Variants in SNRPN observed in about 807,000 individuals in gnomAD.
SNRPN encodes small nuclear ribonucleoprotein polypeptide N.
SNRPN carries 7 observed loss-of-function variants against 25.2 expected under a neutral mutation model. That is an observed-to-expected ratio of 0.28 (90% CI 0.16 to 0.52). SNRPN has a LOEUF of 0.52. Ranked by LOEUF, SNRPN falls within the 20% of genes least tolerant of loss-of-function variation. SNRPN has a pLI of 0.96. For synonymous variants in SNRPN, 124 were observed against 110.6 expected, an observed-to-expected ratio of 1.12 and a Z score of -0.76; for missense variants, 196 against 322.5, an observed-to-expected ratio of 0.61 and a Z score of 3.00.
chr15:24,947,507 T>C (rs565178719), intron 3 of SNRPN, among the ~76,000 whole-genome samples: 7 of 152,212 alleles, frequency 4.6e-5, no homozygotes, highest in Admixed American at 1.3e-4. Flanking sequence ...CATGCACCTG[T>C]AGTCCCAGCT....
chr15:24,884,808 T>G (rs1396877669), intron 1 of SNRPN, among the ~76,000 whole-genome samples: 1 of 152,130 alleles, frequency 6.6e-6, no homozygotes, highest in East Asian at 1.9e-4. Flanking sequence ...ACTCATAGTG[T>G]TGCCAGAAAA....
intron 2 of SNRPN, among the ~76,000 whole-genome samples, chr15:24,832,665 T>C (rs1461560624): frequency 1.3e-5 from 2 of 151,966 alleles, no homozygotes; most frequent in African/African-American, 4.8e-5. Context: ...CTCTTCACAA[T>C]AAGCCTTGCT....
intron 2 of SNRPN, among the ~76,000 whole-genome samples, chr15:24,919,848 T>C (rs953680628): frequency 1.3e-5 from 2 of 152,230 alleles, no homozygotes; most frequent in South Asian, 2.1e-4. Flanking sequence ...AAAGAATCTT[T>C]GTCAGTGTAC....
At chr15:24,963,488 G>T (rs1259447015) in intron 2 of SNRPN, among the ~76,000 whole-genome samples, 1 of 151,960 alleles carries the variant, frequency 6.6e-6, no homozygotes, top group Non-Finnish European at 1.5e-5. Flanking sequence ...GGTGGCACGT[G>T]CCTGTAATCC....
At chr15:24,897,520 G>A (rs12914255) in intron 2 of SNRPN, among the ~76,000 whole-genome samples, 10,303 of 152,258 alleles carry the variant, frequency 0.068, 482 homozygotes, top group Non-Finnish European at 0.1. Context: ...AGGAGTTCGT[G>A]GTTACAGTGA....
intron 1 of SNRPN, among the ~76,000 whole-genome samples, chr15:24,828,295 T>C (rs1014826244): frequency 6.6e-6 from 1 of 152,134 alleles, no homozygotes; most frequent in Non-Finnish European, 1.5e-5. Flanking sequence ...GATTTGCACC[T>C]TCCCGTTGAC....
At chr15:24,943,866 G>A (rs189598620) in intron 3 of SNRPN, among the ~76,000 whole-genome samples, 6 of 152,048 alleles carry the variant, frequency 3.9e-5, no homozygotes, top group Middle Eastern at 3.4e-3. Context: ...CTGTTTCCCA[G>A]GCTGGAGTGC....
chr15:24,949,027 T>G (rs2153186135), intron 3 of SNRPN, among the ~76,000 whole-genome samples: 2 of 132,480 alleles, frequency 1.5e-5, no homozygotes, highest in South Asian at 5.4e-4. Flanking sequence ...TTTTTTTTTT[T>G]TTTTTTTTTT....
At chr15:24,876,932 A>C (rs949768743) in intron 1 of SNRPN, among the ~76,000 whole-genome samples, 2 of 152,216 alleles carry the variant, frequency 1.3e-5, no homozygotes, top group Non-Finnish European at 2.9e-5. Context: ...CTAGATTTTT[A>C]AGATATTTAA....
intron 1 of SNRPN, among the ~76,000 whole-genome samples, chr15:24,886,267 G>T (rs574320926): frequency 1.3e-5 from 2 of 152,054 alleles, no homozygotes; most frequent in Admixed American, 1.3e-4. Context: ...GATCAATTTA[G>T]CCAGAATCCC....
Position 24,958,486 on chromosome 15 carries a change from GTTTTTTTTTTTTTTTTTTTT to G in SNRPN, c.-391+3439_-391+3458del, listed in dbSNP as rs71127030. Among the ~76,000 whole-genome samples, 5 of 65,284 alleles carry G rather than the reference GTTTTTTTTTTTTTTTTTTTT, an allele frequency of 7.7e-5. No homozygotes were observed. In the East Asian group the frequency reaches 1.6e-3, roughly 20 times the overall value. The allele number at this position is 65,284 out of a possible 152,430, so 42.8% of individuals were successfully genotyped here. A position where few individuals can be genotyped will look rare whatever the true frequency, so the allele number is the denominator to read the frequency against. ...ATTTCTGGATGCTAGCTGGCTCAAAGTTTTTTTTTTTTTTTTTTTTTTTTTTTTTTTTTTAAATAGACCAG... is the reference window on the plus strand; with the variant it reads ...ATTTCTGGATGCTAGCTGGCTCAAAGTTTTTTTTTTTTTTAAATAGACCAG... On this transcript the variant is annotated intron_variant, in intron 1 of 9. Coordinates refer to ENST00000390687, the MANE Select transcript of SNRPN (RefSeq NM_003097.6).
intron 3 of SNRPN, among the ~76,000 whole-genome samples, chr15:24,924,964 G>C (rs1179771690): frequency 1.3e-5 from 2 of 152,112 alleles, no homozygotes; most frequent in African/African-American, 4.8e-5. Flanking sequence ...TCTGACAGAA[G>C]GTTTGGCCTC....
chr15:24,893,707 A>AT (rs398078046), intron 2 of SNRPN, among the ~76,000 whole-genome samples: 1 of 151,660 alleles, frequency 6.6e-6, no homozygotes, highest in Non-Finnish European at 1.5e-5. Context: ...ATTAAAAAAA[A>AT]ATGTACCCGT....
chr15:24,843,970 T>C lies in SNRPN; in HGVS notation c.-579+14065T>C, dbSNP rs72693645. On this transcript the variant is annotated intron_variant, in intron 2 of 12. Transcript: ENST00000400100. ...CCTGGGCGATAGAGCTGACTCTGTC[T>C]TGAAAAAAAAAAAAAACGTATGATT... Among the ~76,000 whole-genome samples, 1,499 of 150,962 alleles carry C rather than the reference T, an allele frequency of 9.9e-3. 14 individuals carry two copies. The highest frequency in any genetic ancestry group is 0.016 in the Non-Finnish European group (1,099 of 67,874).
chr15:24,971,591 G>C (rs1449233416), intron 3 of SNRPN, among the ~76,000 whole-genome samples: 1 of 151,890 alleles, frequency 6.6e-6, no homozygotes, highest in East Asian at 1.9e-4. Flanking sequence ...TAGGTCTTCA[G>C]TTCTTTGGGC....
At chr15:24,938,840 G>A (rs2069624444) in intron 3 of SNRPN, among the ~76,000 whole-genome samples, 1 of 152,134 alleles carries the variant, frequency 6.6e-6, no homozygotes, top group African/African-American at 2.4e-5. Context: ...TATAGAATAT[G>A]GGAAATAGTG....
At chr15:24,858,151 G>C (rs901700396) in intron 1 of SNRPN, among the ~76,000 whole-genome samples, 6 of 152,120 alleles carry the variant, frequency 3.9e-5, no homozygotes, top group African/African-American at 1.4e-4. Flanking sequence ...GTCTCCAGCT[G>C]GATGAATCCT....
intron 2 of SNRPN, among the ~76,000 whole-genome samples, chr15:24,896,707 C>T (rs1308487199): frequency 6.7e-6 from 1 of 150,110 alleles, no homozygotes; most frequent in East Asian, 2.0e-4. Context: ...GAGCGAGACT[C>T]CGTCTAAAAA....
chr15:24,848,457 T>G (rs1169501623), intron 2 of SNRPN: 1 of 152,186 alleles, frequency 6.6e-6, no homozygotes, highest in Non-Finnish European at 1.5e-5. Context: ...TCTCTAGGTT[T>G]CGTATCATTG....
Sources: gnomAD v4.1 joint callset for allele counts (sites outside exome capture counted in the v4.1 genomes callset) on GRCh38, gnomAD v4.1.1 for gene constraint, MANE v1.5 for transcripts, NCBI Gene and HGNC (gene_info 2026-07-23, HGNC 2026-07-21) for gene names.